VTI1B: variants seen among roughly 807,000 people sequenced by gnomAD.
VTI1B encodes the protein vesicle transport through interaction with t-SNAREs homolog 1B.
A neutral mutation model predicts 28.6 loss-of-function variants in VTI1B; 18 were observed. That is an observed-to-expected ratio of 0.63 (90% CI 0.43 to 0.93). The LOEUF (loss-of-function observed/expected upper bound fraction) is 0.93. Among genes scored for constraint, VTI1B ranks in the 40% least tolerant of loss-of-function variants. VTI1B has a pLI of 0.00. For synonymous variants in VTI1B, 100 were observed against 107.9 expected (o/e 0.93, Z 0.46); for missense variants, 283 against 297.0 (o/e 0.95, Z 0.35).
intron 1 of VTI1B, 61 bp from the exon 2 acceptor site, chr14:67,662,596 T>G: frequency 2.1e-6 from 3 of 1,427,182 alleles, no homozygotes; most frequent in Non-Finnish European, 1.9e-6. Flanking sequence ...GTAAAGGCCA[T>G]TCCCTCTGCT....
intron 1 of VTI1B, among the ~76,000 whole-genome samples, chr14:67,667,409 T>A (rs986157516): frequency 6.6e-6 from 1 of 152,152 alleles, no homozygotes; most frequent in Non-Finnish European, 1.5e-5. Context: ...TCCCACACCA[T>A]ACAAGAGTTA....
chr14:67,661,972 C>A (rs376850776), intron 2 of VTI1B, among the ~76,000 whole-genome samples: 1 of 151,758 alleles, frequency 6.6e-6, no homozygotes, highest in African/African-American at 2.4e-5. Flanking sequence ...CTGGCTAACA[C>A]GGTGAAACCC....
chr14:67,656,822 C>T (rs1332613421), intron 3 of VTI1B, among the ~76,000 whole-genome samples: 1 of 152,138 alleles, frequency 6.6e-6, no homozygotes, highest in African/African-American at 2.4e-5. Context: ...TTTACACTTA[C>T]GCGAGGCAAG....
chr14:67,659,601 A>G, intron 3 of VTI1B, 130 bp downstream of exon 3: 2 of 940,684 alleles, frequency 2.1e-6, no homozygotes, highest in South Asian at 2.0e-5. Context: ...AGAAAAGAGG[A>G]TAAGGGTGAA....
At chr14:67,673,189 A>G (rs2037490346) in intron 1 of VTI1B, among the ~76,000 whole-genome samples, 1 of 152,184 alleles carries the variant, frequency 6.6e-6, no homozygotes. Context: ...CTAAAAATAC[A>G]AAAATAATTA....
At chr14:67,660,594 C>T (rs149033850) in intron 2 of VTI1B, among the ~76,000 whole-genome samples, 6 of 152,196 alleles carry the variant, frequency 3.9e-5, no homozygotes, top group Non-Finnish European at 8.8e-5. Flanking sequence ...TCCTGCTCCT[C>T]TTTCTGAAAA....
intron 2 of VTI1B, among the ~76,000 whole-genome samples, chr14:67,662,178 AC>A (rs975116267): frequency 1.9e-4 from 29 of 150,368 alleles, no homozygotes; most frequent in South Asian, 1.7e-3. Context: ...AACAACAACA[AC>A]AAAAAAAAAA....
chr14:67,655,028 CA>C (rs34482334), intron 4 of VTI1B, among the ~76,000 whole-genome samples: 101 of 43,462 alleles, frequency 2.3e-3, no homozygotes, highest in African/African-American at 8.6e-3. Context: ...GACTCCATCT[CA>C]AAAAAAAAAA....
At position 67,647,918 on chromosome 14, in the gene VTI1B, A is replaced by G; in HGVS notation, c.*3467T>C. ...ATAGGAAGCCTGGAAATGTATTAACAGCTTTATTAACAAAGTACTAGGACT... is the reference window on the plus strand; with the variant it reads ...ATAGGAAGCCTGGAAATGTATTAACGGCTTTATTAACAAAGTACTAGGACT... On this transcript the variant is annotated 3_prime_UTR_variant, in exon 6 of 6. Coordinates refer to ENST00000554659, the MANE Select transcript of VTI1B (RefSeq NM_006370.3). The G allele has an allele frequency of 3.3e-6, 3 of 898,956 alleles. No individual in the cohort carries two copies. Among genetic ancestry groups the G allele is most frequent in the Non-Finnish European group, 4.9e-6 (3 of 608,398 alleles). 55.7% of individuals were successfully genotyped at this position (898,956 alleles called of 1,614,324 possible).
In VTI1B at chr14:67,673,084, C is replaced by G. The variant is rs112913677; in HGVS notation, c.115+1291G>C. On this transcript the variant is annotated intron_variant, in intron 1 of 5. Transcript: ENST00000554659. ...ATCTCCTCAGAGAGGACTTTCACAA[C>G]CGCCCTATTTAAAACTGAAGTCCCA... 3.3e-3 allele frequency among the ~76,000 whole-genome samples: 506 copies of G among 152,326 alleles called. 3 individuals are homozygous for G. The highest frequency in any genetic ancestry group is 0.012 in the African/African-American group (490 of 41,560).
At chr14:67,651,648 G>T in intron 5 of VTI1B, 167 bp from the exon 6 acceptor site, 1 of 601,188 alleles carries the variant, frequency 1.7e-6, no homozygotes, top group Non-Finnish European at 2.7e-6. Flanking sequence ...GTCACTTAGG[G>T]ATAACACTGT....
intron 3 of VTI1B, among the ~76,000 whole-genome samples, 171 bp from the exon 4 acceptor site, chr14:67,656,760 G>C (rs772141463): frequency 6.6e-6 from 1 of 152,148 alleles, no homozygotes; most frequent in Non-Finnish European, 1.5e-5. Context: ...ACAGACTAAA[G>C]CAGGACCTGA....
At chr14:67,664,459 T>A (rs2037376425) in intron 1 of VTI1B, among the ~76,000 whole-genome samples, 1 of 151,886 alleles carries the variant, frequency 6.6e-6, no homozygotes, top group Non-Finnish European at 1.5e-5. Context: ...ATGTGACTCC[T>A]AAACACAAGC....
In VTI1B at chr14:67,656,474, G is replaced by A. The variant is rs894699790; in HGVS notation, c.482C>T (p.Ser161Leu). The change falls in exon 4 of 6, where the codon TCA (serine) becomes TTA (leucine). Residue 161 changes from serine (S) to leucine (L), a missense_variant. By Grantham distance (145) the Ser-to-Leu change is moderately radical. Transcript: ENST00000554659. ...RIATETDQIG[S>L]EIIEELGEQR... is the part of the protein sequence containing the mutation. ...TTCCCCCAGCTCTTCTATGATTTCTGAGCCAATCTGGTCAGTCTCTGTGGC... is the reference window on the plus strand; with the variant it reads ...TTCCCCCAGCTCTTCTATGATTTCTAAGCCAATCTGGTCAGTCTCTGTGGC... 1.1e-5 allele frequency: 17 copies of A among 1,613,436 alleles called. No individual in the cohort carries two copies. Among genetic ancestry groups the A allele is most frequent in the Non-Finnish European group, 1.4e-5 (16 of 1,179,748 alleles).
At chr14:67,653,217 GT>G (rs2037210435) in intron 5 of VTI1B, among the ~76,000 whole-genome samples, 1 of 152,186 alleles carries the variant, frequency 6.6e-6, no homozygotes, top group African/African-American at 2.4e-5. Flanking sequence ...AGTCAAAGCA[GT>G]ATATACTTTT....
intron 5 of VTI1B, 46 bp from the exon 6 acceptor site, chr14:67,651,527 C>T (rs748344515): frequency 4.4e-6 from 7 of 1,602,970 alleles, no homozygotes; most frequent in African/African-American, 1.3e-5. Flanking sequence ...TTTGGATAAC[C>T]TTCCTTCTAA....
chr14:67,648,371 A>C lies in VTI1B; in HGVS notation c.*3014T>G, dbSNP rs777077650. The C allele has an allele frequency of 9.3e-4, 487 of 522,254 alleles. No homozygotes were observed. The highest frequency in any genetic ancestry group is 1.4e-3 in the Non-Finnish European group (436 of 318,206). 32.4% of individuals were successfully genotyped at this position (522,254 alleles called of 1,614,324 possible). ...TAGTCCTTTAGAGTCATGCTTGGAC[A>C]TGGCTCTTACCAAATTACACTAAGG... is the stretch of plus-strand genomic sequence containing the variant. On this transcript the variant is annotated 3_prime_UTR_variant, in exon 6 of 6. Coordinates refer to ENST00000554659, the MANE Select transcript of VTI1B (RefSeq NM_006370.3).
At chr14:67,668,113 G>T (rs560212916) in intron 1 of VTI1B, among the ~76,000 whole-genome samples, 27 of 152,210 alleles carry the variant, frequency 1.8e-4, no homozygotes, top group African/African-American at 6.0e-4. Context: ...TGATCTAAAT[G>T]ATTTAAAATG....
chr14:67,656,278 G>A (rs78064480), intron 4 of VTI1B, 138 bp downstream of exon 4: 48,598 of 753,414 alleles, frequency 0.065, 2,626 homozygotes, highest in East Asian at 0.23. Context: ...AATAAAAATT[G>A]AGAAAAGCAT....
Sources: gnomAD v4.1 joint callset for allele counts (sites outside exome capture counted in the v4.1 genomes callset) on GRCh38, gnomAD v4.1.1 for gene constraint, MANE v1.5 for transcripts, NCBI Gene and HGNC (gene_info 2026-07-23, HGNC 2026-07-21) for gene names.